LIPC: variants seen among roughly 807,000 people sequenced by gnomAD.
The protein encoded by LIPC is lipase C, hepatic type, also known as hepatic triacylglycerol lipase.
LIPC carries 44 observed loss-of-function variants against 50.7 expected under a neutral mutation model. The observed-to-expected ratio is 0.87, with a 90% CI of 0.68 to 1.11. The LOEUF (loss-of-function observed/expected upper bound fraction) is 1.11, where lower values mean the gene tolerates loss of function less well. Ranked by LOEUF, LIPC falls within the 50% of genes most tolerant of loss-of-function variation. The probability of loss-of-function intolerance (pLI) is 0.00; values close to 1 mark genes in which losing one functional copy is unlikely to be tolerated. For synonymous variants in LIPC, 271 were observed against 256.4 expected (o/e 1.06, Z -0.54); for missense variants, 697 against 648.2 (o/e 1.08, Z -0.82).
At position 58,548,581 on chromosome 15, in the gene LIPC, G is replaced by C; in HGVS notation, c.1051+9G>C. ...CCAGTCCCCCTTCAAAGGTGAGTGT[G>C]GAGCTGGGGAGCCTTCAGAAGGGCA... On this transcript the variant is annotated intron_variant, in intron 6 of 8. Coordinates refer to ENST00000299022, the MANE Select transcript of LIPC (RefSeq NM_000236.3). 1 of 1,585,392 alleles carries C rather than the reference G, an allele frequency of 6.3e-7. No homozygotes were observed.
At chr15:58,511,193 G>T (rs1892320607) in intron 1 of LIPC, among the ~76,000 whole-genome samples, 1 of 152,052 alleles carries the variant, frequency 6.6e-6, no homozygotes, top group Admixed American at 6.5e-5. Context: ...ATTATCCATG[G>T]TCTTGTGTAA....
At chr15:58,449,187 C>T (rs1328231987) in intron 1 of LIPC, among the ~76,000 whole-genome samples, 2 of 152,198 alleles carry the variant, frequency 1.3e-5, no homozygotes, top group African/African-American at 2.4e-5. Context: ...GCACCCCACG[C>T]TCAGCTGCTC....
chr15:58,506,086 TG>T (rs1218815127), intron 1 of LIPC, among the ~76,000 whole-genome samples: 7 of 152,158 alleles, frequency 4.6e-5, no homozygotes, highest in Non-Finnish European at 7.4e-5. Context: ...CTGTGGTGTG[TG>T]CCCCACCTAG....
At chr15:58,557,534 A>C (rs1428033340) in intron 6 of LIPC, among the ~76,000 whole-genome samples, 1 of 151,388 alleles carries the variant, frequency 6.6e-6, no homozygotes, top group Non-Finnish European at 1.5e-5. Context: ...ACAGGCACCC[A>C]CCACCACGCC....
intron 7 of LIPC, 41 bp from the exon 8 acceptor site, chr15:58,563,464 C>G: frequency 1.3e-6 from 2 of 1,521,246 alleles, no homozygotes; most frequent in South Asian, 2.2e-5. Flanking sequence ...TTTGCTGTTA[C>G]GACTAAACTG....
chr15:58,479,102 G>A (rs1445134848), intron 1 of LIPC, among the ~76,000 whole-genome samples: 19 of 152,146 alleles, frequency 1.2e-4, no homozygotes, highest in Non-Finnish European at 2.6e-4. Flanking sequence ...GTTCATTATT[G>A]CTCAGCAAAC....
chr15:58,496,206 A>G (rs192652482), intron 1 of LIPC, among the ~76,000 whole-genome samples: 2 of 152,266 alleles, frequency 1.3e-5, no homozygotes, highest in East Asian at 3.9e-4. Flanking sequence ...GCTGGAGAAG[A>G]GGATGTTACT....
chr15:58,527,874 C>T (rs575084425), intron 1 of LIPC, among the ~76,000 whole-genome samples: 8 of 152,274 alleles, frequency 5.3e-5, no homozygotes, highest in Admixed American at 3.9e-4. Context: ...CTCTCAGCCG[C>T]AGGTCCGCAC....
At chr15:58,562,866 C>T (rs372401436) in intron 7 of LIPC, among the ~76,000 whole-genome samples, 5 of 148,964 alleles carry the variant, frequency 3.4e-5, no homozygotes, top group African/African-American at 1.2e-4. Context: ...CTCTGCACTG[C>T]CAAAAATCTC....
chr15:58,449,934 C>T (rs975586987), intron 1 of LIPC, among the ~76,000 whole-genome samples: 6 of 152,146 alleles, frequency 3.9e-5, no homozygotes, highest in African/African-American at 1.4e-4. Context: ...CCACCCTGTA[C>T]CCACCATCAG....
chr15:58,441,437 C>G (rs1189111477), intron 1 of LIPC, among the ~76,000 whole-genome samples: 2 of 152,342 alleles, frequency 1.3e-5, no homozygotes, highest in Non-Finnish European at 2.9e-5. Flanking sequence ...AAAATTCATT[C>G]CCACCTGCAT....
chr15:58,434,144 T>C (rs1410405557), intron 1 of LIPC, among the ~76,000 whole-genome samples: 1 of 152,120 alleles, frequency 6.6e-6, no homozygotes, highest in East Asian at 1.9e-4. Flanking sequence ...CCAGGGAAGC[T>C]GCTTCACATC....
intron 1 of LIPC, among the ~76,000 whole-genome samples, chr15:58,525,184 C>A (rs1892765602): frequency 1.3e-5 from 2 of 152,302 alleles, no homozygotes; most frequent in South Asian, 4.1e-4. Context: ...TTTACCCCAG[C>A]ACTTTGAGAA....
At chr15:58,437,638 C>A (rs1005399678) in intron 1 of LIPC, among the ~76,000 whole-genome samples, 1 of 152,062 alleles carries the variant, frequency 6.6e-6, no homozygotes, top group Admixed American at 6.5e-5. Context: ...GACCTGCCAC[C>A]AGCACCCAAC....
chr15:58,475,826 T>C (rs1566921351), intron 1 of LIPC, among the ~76,000 whole-genome samples: 1 of 152,210 alleles, frequency 6.6e-6, no homozygotes, highest in Non-Finnish European at 1.5e-5. Context: ...GACTTAACTA[T>C]GCAGGACATT....
At chr15:58,528,778 C>G (rs1449180712) in intron 1 of LIPC, among the ~76,000 whole-genome samples, 1 of 152,242 alleles carries the variant, frequency 6.6e-6, no homozygotes, top group African/African-American at 2.4e-5. Flanking sequence ...AAGGAAGCAG[C>G]AATCTTCTCT....
At chr15:58,536,558 G>A (rs548824084) in intron 1 of LIPC, among the ~76,000 whole-genome samples, 4 of 152,090 alleles carry the variant, frequency 2.6e-5, no homozygotes, top group Non-Finnish European at 4.4e-5. Context: ...TGGACTGATC[G>A]AGAAGCTGGC....
intron 5 of LIPC, among the ~76,000 whole-genome samples, chr15:58,547,895 C>G (rs552388240): frequency 6.6e-6 from 1 of 152,158 alleles, no homozygotes; most frequent in South Asian, 2.1e-4. Context: ...GAAGAGGAGT[C>G]CCACGCAAGC....
chr15:58,478,817 C>T (rs777732839), intron 1 of LIPC, among the ~76,000 whole-genome samples: 11 of 152,222 alleles, frequency 7.2e-5, no homozygotes, highest in Non-Finnish European at 1.3e-4. Flanking sequence ...TCCCACAATA[C>T]TGAGCCACCA....
Sources: allele counts gnomAD v4.1 joint callset (sites outside exome capture counted in the v4.1 genomes callset), GRCh38; gene constraint gnomAD v4.1.1; transcripts MANE v1.5; gene names NCBI Gene and HGNC (gene_info 2026-07-23, HGNC 2026-07-21).